AFAP1L2: variants seen among roughly 807,000 people sequenced by gnomAD.
The protein encoded by AFAP1L2 is actin filament associated protein 1 like 2, also known as actin filament-associated protein 1-like 2.
A neutral mutation model predicts 99.3 loss-of-function variants in AFAP1L2; 46 were observed. The ratio of observed to expected loss-of-function variants is 0.46; its 90% CI spans 0.37 to 0.59. The LOEUF is 0.59. Among genes scored for constraint, AFAP1L2 ranks in the 20% least tolerant of loss-of-function variants. The probability of loss-of-function intolerance (pLI) is 0.00; values close to 1 mark genes in which losing one functional copy is unlikely to be tolerated. For missense variants in AFAP1L2, 959 were observed against 1,034.9 expected, an observed-to-expected ratio of 0.93 and a Z score of 1.01; for synonymous variants, 397 against 419.1, an observed-to-expected ratio of 0.95 and a Z score of 0.64.
intron 15 of AFAP1L2, 84 bp downstream of exon 15, chr10:114,300,110 T>A (rs1203693055): frequency 6.4e-7 from 1 of 1,573,946 alleles, no homozygotes; most frequent in East Asian, 2.2e-5. Flanking sequence ...CTTTCATATA[T>A]ACATCTATCC....
At chr10:114,345,429 G>C (rs1179681210) in intron 1 of AFAP1L2, among the ~76,000 whole-genome samples, 2 of 152,190 alleles carry the variant, frequency 1.3e-5, no homozygotes, top group Non-Finnish European at 2.9e-5. Flanking sequence ...AAGGGGACTG[G>C]CAGTGGAGGC....
In AFAP1L2 at chr10:114,323,194, T is replaced by C; in HGVS notation, c.383A>G (p.Glu128Gly). 6.2e-7 allele frequency: 1 copy of C among 1,600,328 alleles called. No homozygotes were observed. Among genetic ancestry groups the C allele is most frequent in the Middle Eastern group, 1.7e-4 (1 of 6,044 alleles). The change falls in exon 5 of 19, where the codon GAG becomes GGG. Residue 128 changes from glutamate (E) to glycine (G), a missense_variant. By Grantham distance (98) the Glu-to-Gly change is moderately conservative (BLOSUM62 -2). Around this residue, in one of 2 missense-constraint regions of AFAP1L2, gnomAD observed 383 missense variants for 472.8 expected, o/e 0.81. Transcript: ENST00000304129. ...ACCATTGAGGGATGTGTCATATGGC[T>C]CAGCCTCTTCATAGTAGCCCTCTGG... is the stretch of plus-strand genomic sequence containing the variant. ...ESPEGYYEEA[E>G]PYDTSLNEDG...
chr10:114,378,388 G>T (rs1291917075), intron 1 of AFAP1L2, among the ~76,000 whole-genome samples: 1 of 152,154 alleles, frequency 6.6e-6, no homozygotes, highest in Non-Finnish European at 1.5e-5. Flanking sequence ...AGAAAAGGTG[G>T]AAGACACACC....
intron 1 of AFAP1L2, among the ~76,000 whole-genome samples, chr10:114,397,667 T>G (rs2057854492): frequency 6.6e-6 from 1 of 152,216 alleles, no homozygotes; most frequent in South Asian, 2.1e-4. Flanking sequence ...AGGCTGGTCA[T>G]TCAATTTGGG....
chr10:114,304,632 G>T, intron 11 of AFAP1L2, 87 bp downstream of exon 11: 1 of 1,243,390 alleles, frequency 8.0e-7, no homozygotes, highest in Non-Finnish European at 1.1e-6. Flanking sequence ...TTCTCCCTTA[G>T]TAGCATTACA....
At chr10:114,342,119 T>C (rs1270192185) in intron 1 of AFAP1L2, among the ~76,000 whole-genome samples, 7 of 152,184 alleles carry the variant, frequency 4.6e-5, no homozygotes, top group African/African-American at 7.2e-5. Flanking sequence ...TGAGATCTTA[T>C]TGGGAAGCTG....
At chr10:114,340,874 TGGG>T (rs775513451) in intron 1 of AFAP1L2, 143 bp from the exon 2 acceptor site, 4 of 1,134,404 alleles carry the variant, frequency 3.5e-6, no homozygotes, top group Non-Finnish European at 5.2e-6. Flanking sequence ...TGGCAGCGTA[TGGG>T]GGGACTGGGC....
At chr10:114,350,235 C>T (rs1564948018) in intron 1 of AFAP1L2, among the ~76,000 whole-genome samples, 1 of 152,220 alleles carries the variant, frequency 6.6e-6, no homozygotes, top group Non-Finnish European at 1.5e-5. Context: ...CTACCAAGGG[C>T]CACATCCACT....
chr10:114,365,724 T>TC (rs61042190), intron 1 of AFAP1L2, among the ~76,000 whole-genome samples: 2,276 of 99,756 alleles, frequency 0.023, 65 homozygotes, highest in African/African-American at 0.063. Flanking sequence ...TCTCTCTCTC[T>TC]TTTTTTTTTT....
intron 1 of AFAP1L2, among the ~76,000 whole-genome samples, chr10:114,353,438 A>C (rs1462877545): frequency 6.6e-6 from 1 of 152,228 alleles, no homozygotes; most frequent in East Asian, 1.9e-4. Flanking sequence ...AACTACTAGC[A>C]CATTGTTGGA....
At chr10:114,341,476 G>A (rs2048817047) in intron 1 of AFAP1L2, among the ~76,000 whole-genome samples, 1 of 152,056 alleles carries the variant, frequency 6.6e-6, no homozygotes, top group South Asian at 2.1e-4. Flanking sequence ...AGCTGGGCAT[G>A]GTGGCGTGCA....
chr10:114,330,357 A>G (rs143820039), intron 4 of AFAP1L2, among the ~76,000 whole-genome samples: 159 of 152,308 alleles, frequency 1.0e-3, no homozygotes, highest in Middle Eastern at 3.4e-3. Context: ...GGCTACCCAC[A>G]TAAACCCTCC....
Position 114,304,824 on chromosome 10 carries a change from C to G in AFAP1L2, c.1179G>C (p.Gln393His). The change falls in exon 11 of 19, where the codon CAG becomes CAC. Residue 393 changes from glutamine (Q) to histidine (H), a missense_variant. Physicochemically the swap from Gln to His is conservative, Grantham distance 24. Coordinates refer to ENST00000304129, the MANE Select transcript of AFAP1L2 (RefSeq NM_001001936.3). ...CGCAGCCCACCAGGCTGAGGGGTTG[C>G]TGGGCCACCTTGCTCCGGTTCCGGT... ...YQDRNRSKVAQQPLSLVGCEV... is the reference protein window; with the variant it reads ...YQDRNRSKVAHQPLSLVGCEV... 6.2e-7 allele frequency: 1 copy of G among 1,613,428 alleles called. No individual in the cohort carries two copies. The highest frequency in any genetic ancestry group is 8.5e-7 in the Non-Finnish European group (1 of 1,180,024).
intron 12 of AFAP1L2, chr10:114,301,775 C>T: frequency 2.5e-6 from 1 of 406,678 alleles, no homozygotes; most frequent in Non-Finnish European, 4.5e-6. Context: ...CTTCCAGCAA[C>T]CACAACAAAA....
the AFAP1L2 span, chr10:114,289,011 T>C: frequency 2.5e-6 from 4 of 1,614,176 alleles, no homozygotes; most frequent in Non-Finnish European, 3.4e-6. Context: ...AGAATTTTGC[T>C]CAGATGCAGA....
chr10:114,343,562 G>C (rs2049094946), intron 1 of AFAP1L2, among the ~76,000 whole-genome samples: 1 of 152,218 alleles, frequency 6.6e-6, no homozygotes, highest in South Asian at 2.1e-4. Context: ...GAGGGAGGGA[G>C]GGAGGCTGGC....
chr10:114,373,112 A>C (rs1338162371), intron 1 of AFAP1L2, among the ~76,000 whole-genome samples: 1 of 152,206 alleles, frequency 6.6e-6, no homozygotes, highest in Non-Finnish European at 1.5e-5. Context: ...ACTTGGTGGC[A>C]TGCACCTGTG....
intron 3 of AFAP1L2, among the ~76,000 whole-genome samples, chr10:114,332,239 T>C (rs1008448204): frequency 1.3e-5 from 2 of 152,228 alleles, no homozygotes; most frequent in East Asian, 3.9e-4. Context: ...CCTGTGATTA[T>C]GGCTCTTTCC....
rs751462542 is a variant in AFAP1L2 at position 114,300,547 on chromosome 10, C to G, written c.1686G>C (p.Leu562Phe). ...SAQAQASSPT[L>F]SCLDNATEAL... ...CCTCAGTTGCATTGTCCAGGCAGGA[C>G]AACGTCGGGGAGGAGGCCTGGGCCT... is the stretch of plus-strand genomic sequence containing the variant. Residue 562 changes from leucine to phenylalanine, a missense_variant, in exon 14 of 19, where the codon TTG becomes TTC. Transcript: ENST00000304129. 1 of 1,614,164 alleles carries G rather than the reference C, an allele frequency of 6.2e-7. No homozygotes were observed. The highest frequency in any genetic ancestry group is 2.2e-5 in the East Asian group (1 of 44,880).
Sources: gnomAD v4.1 joint callset for allele counts (sites outside exome capture counted in the v4.1 genomes callset) on GRCh38, gnomAD v4.1.1 for gene constraint, gnomAD v4.1.1 regional missense constraint, MANE v1.5 for transcripts, NCBI Gene and HGNC (gene_info 2026-07-23, HGNC 2026-07-21) for gene names.